QTMAN: variants seen among roughly 807,000 people sequenced by gnomAD.
The protein encoded by QTMAN is tRNA-queuosine alpha-mannosyltransferase.
the QTMAN span, among the ~76,000 whole-genome samples, chr2:144,250,328 G>C: frequency 1.3e-5 from 2 of 151,806 alleles, no homozygotes; most frequent in Admixed American, 1.3e-4. Flanking sequence ...ATTTTTAGTA[G>C]AGACAGGGTT....
At chr2:144,181,774 G>A in the QTMAN span, among the ~76,000 whole-genome samples, 44 of 152,192 alleles carry the variant, frequency 2.9e-4, no homozygotes, top group Middle Eastern at 6.8e-3. Flanking sequence ...TCATGCCACT[G>A]CACTCTAGCC....
chr2:144,231,021 T>C, the QTMAN span, among the ~76,000 whole-genome samples: 1 of 152,122 alleles, frequency 6.6e-6, no homozygotes, highest in Admixed American at 6.5e-5. Context: ...ATAGAAAACA[T>C]ATGAAATACT....
the QTMAN span, among the ~76,000 whole-genome samples, chr2:144,177,493 T>C: frequency 6.6e-6 from 1 of 152,094 alleles, no homozygotes; most frequent in African/African-American, 2.4e-5. Context: ...TAGAAATAGA[T>C]ACAAATGCAT....
chr2:144,103,345 A>G, the QTMAN span, among the ~76,000 whole-genome samples: 3 of 152,244 alleles, frequency 2.0e-5, no homozygotes, highest in Non-Finnish European at 4.4e-5. Flanking sequence ...ACTGACTCAA[A>G]GGACAGTGAG....
the QTMAN span, among the ~76,000 whole-genome samples, chr2:144,100,962 C>A: frequency 6.7e-6 from 1 of 149,354 alleles, no homozygotes; most frequent in Non-Finnish European, 1.5e-5. Flanking sequence ...CTCCGCCTCC[C>A]GGGTTGATGC....
the QTMAN span, among the ~76,000 whole-genome samples, chr2:144,158,564 G>A: frequency 6.6e-6 from 1 of 151,844 alleles, no homozygotes; most frequent in Non-Finnish European, 1.5e-5. Flanking sequence ...TAGGTAGTTC[G>A]CTGTAGGGAC....
At chr2:144,259,881 T>A in the QTMAN span, among the ~76,000 whole-genome samples, 1 of 152,178 alleles carries the variant, frequency 6.6e-6, no homozygotes, top group African/African-American at 2.4e-5. Flanking sequence ...AAAGAGTAGT[T>A]AGTAAGCACT....
the QTMAN span, chr2:144,208,817 C>T: frequency 5.5e-6 from 8 of 1,458,910 alleles, no homozygotes; most frequent in Non-Finnish European, 7.4e-6. Context: ...AAATAACAAC[C>T]AAAAAATGTA....
the QTMAN span, among the ~76,000 whole-genome samples, chr2:144,050,610 A>G: frequency 6.6e-6 from 1 of 152,168 alleles, no homozygotes. Context: ...AGGGCAATTG[A>G]TTTTTTTCTA....
chr2:144,097,308 T>C, the QTMAN span, among the ~76,000 whole-genome samples: 1 of 152,214 alleles, frequency 6.6e-6, no homozygotes, highest in Non-Finnish European at 1.5e-5. Flanking sequence ...TCATCCACCC[T>C]TGTTCTTCTA....
the QTMAN span, among the ~76,000 whole-genome samples, chr2:144,232,157 A>T: frequency 6.6e-6 from 1 of 152,150 alleles, no homozygotes; most frequent in Admixed American, 6.6e-5. Context: ...GGGGAACTGT[A>T]GCATTTATTA....
At chr2:144,065,948 G>A in the QTMAN span, among the ~76,000 whole-genome samples, 1 of 152,048 alleles carries the variant, frequency 6.6e-6, no homozygotes, top group Non-Finnish European at 1.5e-5. Flanking sequence ...AAAGGCGGTG[G>A]CCATGAGAGC....
chr2:144,273,830 G>A, the QTMAN span, among the ~76,000 whole-genome samples: 1 of 152,142 alleles, frequency 6.6e-6, no homozygotes, highest in Admixed American at 6.5e-5. Flanking sequence ...ATGGCCCAGT[G>A]TGACATTGTG....
chr2:144,110,135 C>G, the QTMAN span, among the ~76,000 whole-genome samples: 2 of 152,158 alleles, frequency 1.3e-5, no homozygotes, highest in Admixed American at 6.5e-5. Context: ...AGACTTGGAA[C>G]CAACCCAGAT....
At chr2:144,041,839 G>A in the QTMAN span, among the ~76,000 whole-genome samples, 1 of 152,224 alleles carries the variant, frequency 6.6e-6, no homozygotes, top group African/African-American at 2.4e-5. Context: ...GGTAGGAAGG[G>A]CACATTTCAG....
the QTMAN span, among the ~76,000 whole-genome samples, chr2:144,148,627 T>C: frequency 6.6e-6 from 1 of 151,808 alleles, no homozygotes; most frequent in Non-Finnish European, 1.5e-5. Flanking sequence ...GGACTATCTA[T>C]AGCTAATGTT....
At chr2:143,954,625 C>A in the QTMAN span, among the ~76,000 whole-genome samples, 1 of 151,996 alleles carries the variant, frequency 6.6e-6, no homozygotes, top group Non-Finnish European at 1.5e-5. Context: ...AAGGAAAAAA[C>A]CACCATCTCT....
At chr2:144,011,998 AT>A in the QTMAN span, among the ~76,000 whole-genome samples, 1 of 152,160 alleles carries the variant, frequency 6.6e-6, no homozygotes, top group African/African-American at 2.4e-5. Context: ...TAGAAACTCC[AT>A]CAGAACCTAT....
the QTMAN span, among the ~76,000 whole-genome samples, chr2:144,052,031 G>A: frequency 3.3e-5 from 5 of 152,276 alleles, no homozygotes; most frequent in Non-Finnish European, 7.4e-5. Flanking sequence ...TTTATTGCCT[G>A]TGTTCTTACT....
Sources: allele counts gnomAD v4.1 joint callset (sites outside exome capture counted in the v4.1 genomes callset), GRCh38; gene constraint gnomAD v4.1.1; transcripts MANE v1.5; gene names NCBI Gene and HGNC (gene_info 2026-07-23, HGNC 2026-07-21).